Variants in CSTPP1 observed in about 807,000 individuals in gnomAD.
CSTPP1 encodes the protein centriolar satellite-associated tubulin polyglutamylase complex regulator 1.
At chr11:47,062,013 A>C in the CSTPP1 span, among the ~76,000 whole-genome samples, 1 of 152,078 alleles carries the variant, frequency 6.6e-6, no homozygotes, top group East Asian at 1.9e-4. Flanking sequence ...GAAGCTCCTC[A>C]ACCCTCCATA....
the CSTPP1 span, among the ~76,000 whole-genome samples, chr11:46,981,260 T>TA: frequency 4.4e-4 from 62 of 141,954 alleles, no homozygotes; most frequent in Admixed American, 6.4e-4. Context: ...CATTGTTGAT[T>TA]AAAAAAAAAA....
the CSTPP1 span, among the ~76,000 whole-genome samples, chr11:47,093,219 A>T: frequency 1.3e-5 from 2 of 152,224 alleles, no homozygotes; most frequent in African/African-American, 4.8e-5. Context: ...ATTGAGTTTT[A>T]AAAAATACCT....
the CSTPP1 span, among the ~76,000 whole-genome samples, chr11:47,050,399 A>C: frequency 6.6e-6 from 1 of 152,202 alleles, no homozygotes; most frequent in East Asian, 1.9e-4. Context: ...TACTCCATAG[A>C]ACTGACAGTC....
chr11:47,105,554 A>G, the CSTPP1 span, among the ~76,000 whole-genome samples: 1 of 152,180 alleles, frequency 6.6e-6, no homozygotes, highest in South Asian at 2.1e-4. Context: ...GCTATCATTT[A>G]TTGAACACTT....
chr11:46,966,407 T>TC, the CSTPP1 span, among the ~76,000 whole-genome samples: 1 of 152,200 alleles, frequency 6.6e-6, no homozygotes, highest in African/African-American at 2.4e-5. Context: ...CTCCTTTTTT[T>TC]CCCATACTGC....
the CSTPP1 span, among the ~76,000 whole-genome samples, chr11:47,014,663 C>T: frequency 6.6e-6 from 1 of 150,872 alleles, no homozygotes; most frequent in African/African-American, 2.4e-5. Context: ...AGAGATCACA[C>T]CATTGCACTC....
chr11:47,152,548 G>C, the CSTPP1 span, among the ~76,000 whole-genome samples: 2 of 152,032 alleles, frequency 1.3e-5, no homozygotes, highest in African/African-American at 4.8e-5. Context: ...AGCCCTTTGG[G>C]AAGTACGAGC....
the CSTPP1 span, among the ~76,000 whole-genome samples, chr11:47,146,771 C>T: frequency 3.3e-5 from 5 of 152,156 alleles, no homozygotes; most frequent in South Asian, 2.1e-4. Flanking sequence ...ACAATCTGCA[C>T]GTCCCTCTGC....
At chr11:47,137,184 A>C in the CSTPP1 span, 1 of 946,330 alleles carries the variant, frequency 1.1e-6, no homozygotes, top group Admixed American at 2.6e-5. Flanking sequence ...TTCTCCCTAC[A>C]CAGCAAGACT....
At chr11:47,038,563 C>T in the CSTPP1 span, among the ~76,000 whole-genome samples, 19 of 105,572 alleles carry the variant, frequency 1.8e-4, 2 homozygotes, top group Non-Finnish European at 1.2e-4. Context: ...CCGGACGGGG[C>T]GGCTGGCCGG....
At chr11:47,118,810 T>G in the CSTPP1 span, among the ~76,000 whole-genome samples, 1 of 152,340 alleles carries the variant, frequency 6.6e-6, no homozygotes, top group East Asian at 1.9e-4. Flanking sequence ...TATTGCTGCC[T>G]GATCCTTCCT....
At chr11:46,989,816 G>T in the CSTPP1 span, among the ~76,000 whole-genome samples, 1 of 150,968 alleles carries the variant, frequency 6.6e-6, no homozygotes, top group South Asian at 2.1e-4. Context: ...CCCTCTAGCA[G>T]TCCACAGTGT....
At chr11:47,110,758 C>T in the CSTPP1 span, among the ~76,000 whole-genome samples, 1 of 152,132 alleles carries the variant, frequency 6.6e-6, no homozygotes. Context: ...TTCTTGCCTG[C>T]CTCCAGTTCC....
chr11:47,157,406 A>G, the CSTPP1 span, among the ~76,000 whole-genome samples: 8 of 152,216 alleles, frequency 5.3e-5, no homozygotes, highest in East Asian at 1.2e-3. Flanking sequence ...GCTCACTTCA[A>G]AAGGACTGCT....
At chr11:46,959,202 GT>G in the CSTPP1 span, among the ~76,000 whole-genome samples, 78 of 142,274 alleles carry the variant, frequency 5.5e-4, 1 homozygote, top group East Asian at 5.5e-3. Context: ...TGTTTTATTG[GT>G]TTTTTTTTTT....
chr11:47,041,043 G>T, the CSTPP1 span: 33 of 178,880 alleles, frequency 1.8e-4, no homozygotes, highest in African/African-American at 7.7e-4. Flanking sequence ...TACAGGGCTT[G>T]TAGGGTTCCA....
At chr11:47,086,757 T>C in the CSTPP1 span, among the ~76,000 whole-genome samples, 8 of 152,162 alleles carry the variant, frequency 5.3e-5, no homozygotes, top group Admixed American at 2.6e-4. Context: ...GATGATTAAA[T>C]TAAATAATGT....
the CSTPP1 span, among the ~76,000 whole-genome samples, chr11:47,031,461 G>A: frequency 6.6e-6 from 1 of 152,186 alleles, no homozygotes; most frequent in Non-Finnish European, 1.5e-5. Context: ...AGATGCTGAG[G>A]TGGGAGGATT....
chr11:46,970,033 T>C, the CSTPP1 span, among the ~76,000 whole-genome samples: 238 of 152,266 alleles, frequency 1.6e-3, no homozygotes, highest in African/African-American at 5.3e-3. Flanking sequence ...CTGCATACTA[T>C]AATAGACTAT....
Sources: gnomAD v4.1 joint callset for allele counts (sites outside exome capture counted in the v4.1 genomes callset) on GRCh38, gnomAD v4.1.1 for gene constraint, MANE v1.5 for transcripts, NCBI Gene and HGNC (gene_info 2026-07-23, HGNC 2026-07-21) for gene names.